Variants in HDAC9 observed in about 807,000 individuals in gnomAD.
HDAC9 encodes histone deacetylase 9.
Under a neutral mutation model 139.4 loss-of-function variants are expected in HDAC9, and 41 were observed. The ratio of observed to expected loss-of-function variants is 0.29; its 90% CI spans 0.23 to 0.38. The LOEUF (loss-of-function observed/expected upper bound fraction) is 0.38. HDAC9 is among the 10% of genes least tolerant of loss of function. The pLI is 1.00. For missense variants in HDAC9, 1,147 were observed against 1,297.0 expected (o/e 0.88, Z 1.78); for synonymous variants, 517 against 476.2 (o/e 1.09, Z -1.12).
intron 1 of HDAC9, among the ~76,000 whole-genome samples, chr7:18,421,454 AAGAG>A (rs907067731): frequency 1.3e-5 from 2 of 151,824 alleles, no homozygotes; most frequent in African/African-American, 2.4e-5. Flanking sequence ...AAAAGGGAGA[AAGAG>A]AAAGAAAGAA....
rs553538781 is a variant in HDAC9, at chr7:18,284,064, T to A, written c.25+121715T>A. The stretch of plus-strand genomic sequence containing the variant: ...ACATTCATTTCCTTAAGTGCTACCA[T>A]AATTTTGTGAATGTTAACATAAAGA... On this transcript the variant is annotated intron_variant, in intron 2 of 12. Coordinates refer to the HDAC9 transcript ENST00000417496. 7.2e-5 allele frequency among the ~76,000 whole-genome samples: 11 copies of A among 152,268 alleles called. No individual in the cohort carries two copies. In the South Asian group the frequency reaches 1.9e-3, roughly 26 times the overall value.
chr7:18,595,296 A>G (rs1254476055), intron 6 of HDAC9, among the ~76,000 whole-genome samples: 1 of 152,084 alleles, frequency 6.6e-6, no homozygotes, highest in Non-Finnish European at 1.5e-5. Context: ...GGCAAGGATA[A>G]TTGAGTTTTA....
chr7:18,910,676 G>A (rs561213766), intron 22 of HDAC9, among the ~76,000 whole-genome samples: 7 of 151,862 alleles, frequency 4.6e-5, no homozygotes, highest in African/African-American at 1.2e-4. Context: ...AGTTGGCTGC[G>A]GGTTCAAATG....
intron 1 of HDAC9, among the ~76,000 whole-genome samples, chr7:18,417,495 C>G (rs918957239): frequency 6.6e-6 from 1 of 152,070 alleles, no homozygotes; most frequent in Non-Finnish European, 1.5e-5. Context: ...GTTTTAACTT[C>G]TTGGGTGCTA....
At chr7:18,932,880 G>GAAAGAAAGAAAGAAAA (rs1554405266) in intron 22 of HDAC9, among the ~76,000 whole-genome samples, 3 of 151,704 alleles carry the variant, frequency 2.0e-5, no homozygotes, top group East Asian at 3.9e-4. Flanking sequence ...AAGAAAGAAA[G>GAAAGAAAGAAAGAAAA]GATGTCCTGA....
intron 17 of HDAC9, among the ~76,000 whole-genome samples, chr7:18,793,905 T>C (rs1398045725): frequency 2.0e-5 from 3 of 152,008 alleles, no homozygotes; most frequent in Admixed American, 1.3e-4. Context: ...GGAAGGAAAT[T>C]GTTGATTAGA....
intron 1 of HDAC9, among the ~76,000 whole-genome samples, chr7:18,351,624 A>G (rs1236370165): frequency 2.0e-5 from 3 of 152,192 alleles, no homozygotes; most frequent in Non-Finnish European, 4.4e-5. Context: ...TCTCAGCTCT[A>G]TCATGTCCCA....
chr7:18,261,270 T>C (rs1430687245), intron 2 of HDAC9, among the ~76,000 whole-genome samples: 1 of 152,114 alleles, frequency 6.6e-6, no homozygotes, highest in Admixed American at 6.6e-5. Context: ...ATCATGTCAC[T>C]GCACTCCAGC....
chr7:18,320,289 A>C (rs1031158782), intron 1 of HDAC9, among the ~76,000 whole-genome samples: 1 of 152,206 alleles, frequency 6.6e-6, no homozygotes, highest in Non-Finnish European at 1.5e-5. Context: ...TTGATTTCTC[A>C]TTAAATCCAG....
intron 16 of HDAC9, among the ~76,000 whole-genome samples, chr7:18,773,061 C>T (rs1585011675): frequency 6.6e-6 from 1 of 151,930 alleles, no homozygotes; most frequent in Non-Finnish European, 1.5e-5. Context: ...CATCTAATGT[C>T]CATTGCAGGA....
At chr7:18,658,130 A>G (rs943275238) in intron 11 of HDAC9, among the ~76,000 whole-genome samples, 8 of 152,044 alleles carry the variant, frequency 5.3e-5, no homozygotes, top group Admixed American at 2.6e-4. Context: ...AGTAAACACA[A>G]ACACCCACCT....
chr7:18,334,867 G>A lies in HDAC9; in HGVS notation c.-42+44352G>A, dbSNP rs761775672. Among the ~76,000 whole-genome samples the A allele has an allele frequency of 2.0e-5, 3 of 151,392 alleles. 1 individual carries two copies. Among genetic ancestry groups the A allele is most frequent in the Non-Finnish European group, 3.0e-5 (2 of 67,624 alleles). ...TAATGGGTCCAGAGATTACAGGCGG[G>A]GATGAGGTTAAGGGCTGAGTACATA... On this transcript the variant is annotated intron_variant, in intron 1 of 3. Transcript: ENST00000413509.
chr7:18,664,378 A>T (rs1309867543), intron 11 of HDAC9, among the ~76,000 whole-genome samples: 1 of 151,994 alleles, frequency 6.6e-6, no homozygotes, highest in African/African-American at 2.4e-5. Context: ...ATCTTGTCTG[A>T]CTTACTTTGG....
chr7:18,773,444 A>C (rs1445254068), intron 16 of HDAC9, among the ~76,000 whole-genome samples: 1 of 151,622 alleles, frequency 6.6e-6, no homozygotes, highest in Non-Finnish European at 1.5e-5. Context: ...TAATGTCAAT[A>C]ACAGGGAGGA....
chr7:18,424,734 C>A (rs937972255), intron 1 of HDAC9, among the ~76,000 whole-genome samples: 2 of 152,076 alleles, frequency 1.3e-5, no homozygotes, highest in African/African-American at 4.8e-5. Flanking sequence ...CCTGGTGAAA[C>A]CCTGTCTCTA....
At chr7:18,535,716 A>T (rs572896050) in intron 2 of HDAC9, among the ~76,000 whole-genome samples, 4 of 110,564 alleles carry the variant, frequency 3.6e-5, no homozygotes, top group African/African-American at 1.5e-4. Context: ...CCATAAAGGC[A>T]TTAAGCAAAA....
At chr7:18,314,683 G>T (rs73305285) in intron 1 of HDAC9, among the ~76,000 whole-genome samples, 3,294 of 152,194 alleles carry the variant, frequency 0.022, 119 homozygotes, top group African/African-American at 0.075. Context: ...TTTTATTCTA[G>T]CTCCGTGAAA....
At position 18,775,250 on chromosome 7, in the gene HDAC9, G is replaced by A. The variant is rs146396467; in HGVS notation, c.2214+8095G>A. On this transcript the variant is annotated intron_variant, in intron 16 of 25. Coordinates refer to ENST00000686413, the MANE Select transcript of HDAC9 (RefSeq NM_178425.4). ...GATGAAAAACTTTTGAAATATTGCA[G>A]GAATTACCAAAATGTGACACAGAGA... Among the ~76,000 whole-genome samples the A allele has an allele frequency of 5.4e-3, 826 of 152,130 alleles. 4 individuals are homozygous for A. Among genetic ancestry groups the A allele is most frequent in the Non-Finnish European group, 8.2e-3 (558 of 67,970 alleles).
intron 1 of HDAC9, among the ~76,000 whole-genome samples, chr7:18,388,514 C>G (rs1786158147): frequency 6.6e-6 from 1 of 152,134 alleles, no homozygotes. Context: ...TTTTTTAAAC[C>G]ATAGACTTGT....
Sources: allele counts gnomAD v4.1 joint callset (sites outside exome capture counted in the v4.1 genomes callset), GRCh38; gene constraint gnomAD v4.1.1; transcripts MANE v1.5; gene names NCBI Gene and HGNC (gene_info 2026-07-23, HGNC 2026-07-21).